The following GLI3 variants were observed in gnomAD, a reference collection of about 807,000 sequenced individuals.
GLI3 encodes the protein GLI family zinc finger 3, also known as transcription activator GLI3.
In GLI3, 20 loss-of-function variants were observed where a neutral mutation model predicts 100.8. That is an observed-to-expected ratio of 0.20 (90% CI 0.14 to 0.29). The LOEUF (loss-of-function observed/expected upper bound fraction) is 0.29. Ranked by LOEUF, GLI3 falls within the 10% of genes least tolerant of loss-of-function variation. The probability of loss-of-function intolerance (pLI) is 1.00; values close to 1 mark genes in which losing one functional copy is unlikely to be tolerated. For synonymous variants in GLI3, 938 were observed against 860.5 expected, an observed-to-expected ratio of 1.09 and a Z score of -1.58; for missense variants, 2,040 against 2,128.5, an observed-to-expected ratio of 0.96 and a Z score of 0.82.
chr7:42,174,084 C>T (rs1191045756), intron 2 of GLI3, among the ~76,000 whole-genome samples: 1 of 152,036 alleles, frequency 6.6e-6, no homozygotes, highest in East Asian at 1.9e-4. Flanking sequence ...AGCATGGTTT[C>T]AAGTATTCCA....
chr7:42,066,375 C>T (rs901311814), intron 4 of GLI3, among the ~76,000 whole-genome samples: 1 of 152,190 alleles, frequency 6.6e-6, no homozygotes, highest in Non-Finnish European at 1.5e-5. Flanking sequence ...TCCAACTCAA[C>T]TCCCTCCTCC....
At chr7:42,152,453 T>TGCCTCC in intron 2 of GLI3, 1 of 982,760 alleles carries the variant, frequency 1.0e-6, no homozygotes, top group Non-Finnish European at 1.2e-6. Flanking sequence ...GGTATCTCTC[T>TGCCTCC]GCCTCCCTCT....
intron 3 of GLI3, among the ~76,000 whole-genome samples, chr7:42,096,235 G>C (rs1354785106): frequency 1.3e-5 from 2 of 152,178 alleles, no homozygotes; most frequent in African/African-American, 4.8e-5. Context: ...GAAGGCACTG[G>C]AGCCACCGAA....
upstream of GLI3, among the ~76,000 whole-genome samples, chr7:42,241,976 T>G (rs1471658845): frequency 6.6e-6 from 1 of 152,188 alleles, no homozygotes; most frequent in East Asian, 1.9e-4. Context: ...AATAATTTTC[T>G]CTCAGTTGTC....
chr7:42,250,762 G>A lies in GLI3; in HGVS notation c.-43+13232C>T, dbSNP rs987060425. Among the ~76,000 whole-genome samples the A allele has an allele frequency of 4.6e-5, 7 of 152,200 alleles. No homozygotes were observed. The East Asian group carries it at 7.7e-4, about 17-fold the overall frequency. ...GGTGGATTTGTATGGAGGAAAAGGC[G>A]GGTGGGGGGGCTGCCATTTTCCTTC... On this transcript the variant is annotated intron_variant, in intron 1 of 2. Transcript: ENST00000678978.
intron 10 of GLI3, among the ~76,000 whole-genome samples, chr7:42,012,427 G>A (rs1363921494): frequency 6.6e-6 from 1 of 151,978 alleles, no homozygotes; most frequent in Non-Finnish European, 1.5e-5. Flanking sequence ...ATGTAATGCA[G>A]ACACTACATT....
At chr7:42,169,366 T>C (rs1255451701) in intron 2 of GLI3, among the ~76,000 whole-genome samples, 2 of 152,124 alleles carry the variant, frequency 1.3e-5, no homozygotes, top group African/African-American at 2.4e-5. Context: ...ATGTGCAATA[T>C]GAAAATGAAA....
chr7:42,055,375 C>T (rs1051879790), intron 4 of GLI3, among the ~76,000 whole-genome samples: 10 of 152,042 alleles, frequency 6.6e-5, no homozygotes, highest in African/African-American at 9.7e-5. Context: ...TGGGGAGTCT[C>T]GTCTTTAAGG....
At position 42,025,309 on chromosome 7, in the gene GLI3, G is replaced by A. The variant is rs1280539028; in HGVS notation, c.1311C>T (p.Ile437=). 3 of 1,613,968 alleles carry A rather than the reference G, an allele frequency of 1.9e-6. No individual in the cohort carries two copies. Among genetic ancestry groups the A allele is most frequent in the African/African-American group, 2.7e-5 (2 of 74,944 alleles). ...GGCTGGGGAGGTCTTCATCGGGTTTGATCTTGGACCTCTTGTTGTGCATCG... is the reference window on the plus strand; with the variant it reads ...GGCTGGGGAGGTCTTCATCGGGTTTAATCTTGGACCTCTTGTTGTGCATCG... ...GDPMHNKRSK[I]KPDEDLPSPG... The change falls in exon 9 of 15, where the codon ATC becomes ATT. Residue 437 remains isoleucine (I), a synonymous_variant. Coordinates refer to ENST00000395925, the MANE Select transcript of GLI3 (RefSeq NM_000168.6).
At chr7:42,057,330 A>C (rs1784483414) in intron 4 of GLI3, among the ~76,000 whole-genome samples, 2 of 152,236 alleles carry the variant, frequency 1.3e-5, no homozygotes, top group Non-Finnish European at 2.9e-5. Flanking sequence ...AAAATTAAGA[A>C]GTCTGACAGT....
chr7:41,992,881 T>C (rs1390699163), intron 10 of GLI3, among the ~76,000 whole-genome samples: 5 of 152,162 alleles, frequency 3.3e-5, no homozygotes, highest in Non-Finnish European at 5.9e-5. Context: ...TGTTGGAGTG[T>C]GGGCTTAAGC....
rs186983336 is a variant in GLI3 at position 42,022,832 on chromosome 7, A to G, written c.1497+636T>C. 9.8e-5 allele frequency among the ~76,000 whole-genome samples: 15 copies of G among 152,314 alleles called. No individual in the cohort carries two copies. The East Asian group carries it at 1.9e-3, about 20-fold the overall frequency. ...TGAAATGATATGCAGGAGAGTGTGT[A>G]AAAATTTCTGAACCTGGTTTGGGAG... On this transcript the variant is annotated intron_variant, in intron 10 of 14. Coordinates refer to ENST00000395925, the MANE Select transcript of GLI3 (RefSeq NM_000168.6).
At position 41,965,604 on chromosome 7, in the gene GLI3, C is replaced by T; in HGVS notation, c.3469G>A (p.Asp1157Asn). 4.4e-6 allele frequency: 7 copies of T among 1,607,462 alleles called. No homozygotes were observed. Among genetic ancestry groups the T allele is most frequent in the Non-Finnish European group, 6.0e-6 (7 of 1,174,750 alleles). The change falls in exon 15 of 15, where the codon GAC becomes AAC. Residue 1157 changes from aspartate (D) to asparagine (N), a missense_variant. Transcript: ENST00000395925. The stretch of plus-strand genomic sequence containing the variant: ...ACTTCGTTCCACTGAATGGGCAGGT[C>T]GGTTTTGCTGCCCTCGGGGCAGGGC... ...EQPCPEGSKT[D>N]LPIQWNEVSS...
intron 3 of GLI3, among the ~76,000 whole-genome samples, chr7:42,133,089 AC>A (rs1786334199): frequency 6.6e-6 from 1 of 152,336 alleles, no homozygotes; most frequent in South Asian, 2.1e-4. Context: ...TAAAAGAAAT[AC>A]TTTTTTTTAG....
chr7:42,069,483 G>A (rs1234146141), intron 4 of GLI3, among the ~76,000 whole-genome samples: 2 of 152,060 alleles, frequency 1.3e-5, no homozygotes, highest in Non-Finnish European at 2.9e-5. Context: ...AATTAGGCAG[G>A]ACTTAAACTT....
At chr7:42,142,602 G>A (rs555182306) in intron 3 of GLI3, among the ~76,000 whole-genome samples, 5 of 152,126 alleles carry the variant, frequency 3.3e-5, no homozygotes, top group East Asian at 3.9e-4. Context: ...GCAGACTCAC[G>A]GTCGCATCAG....
intron 2 of GLI3, among the ~76,000 whole-genome samples, chr7:42,170,943 T>C (rs1787360198): frequency 6.6e-6 from 1 of 152,192 alleles, no homozygotes; most frequent in Non-Finnish European, 1.5e-5. Flanking sequence ...GGCTTCTCCC[T>C]GCAGCAACAA....
At chr7:41,994,642 G>C (rs990125130) in intron 10 of GLI3, among the ~76,000 whole-genome samples, 3 of 152,136 alleles carry the variant, frequency 2.0e-5, no homozygotes, top group Non-Finnish European at 4.4e-5. Flanking sequence ...TCTTGAATTT[G>C]AGCCATTTCT....
intron 1 of GLI3, among the ~76,000 whole-genome samples, chr7:42,261,449 A>ATCCT (rs1242578984): frequency 6.6e-6 from 1 of 151,974 alleles, no homozygotes; most frequent in African/African-American, 2.4e-5. Context: ...TCATCCATCC[A>ATCCT]TCCATCCATC....
Sources: gnomAD v4.1 joint callset for allele counts (sites outside exome capture counted in the v4.1 genomes callset) on GRCh38, gnomAD v4.1.1 for gene constraint, MANE v1.5 for transcripts, NCBI Gene and HGNC (gene_info 2026-07-23, HGNC 2026-07-21) for gene names.